SEC14L1: variants seen among roughly 807,000 people sequenced by gnomAD.
The protein encoded by SEC14L1 is SEC14 like lipid binding 1.
In SEC14L1, 48 loss-of-function variants were observed where a neutral mutation model predicts 85.3. The ratio of observed to expected loss-of-function variants is 0.56; its 90% CI spans 0.45 to 0.72. The LOEUF is 0.72. Ranked by LOEUF, SEC14L1 falls within the 30% of genes least tolerant of loss-of-function variation. SEC14L1 has a pLI of 0.00. For synonymous variants in SEC14L1, 391 were observed against 355.5 expected (o/e 1.10, Z -1.12); for missense variants, 682 against 921.4 (o/e 0.74, Z 3.36).
chr17:77,143,539 A>G (rs1973149647), intron 2 of SEC14L1, 28 bp from the exon 3 acceptor site: 5 of 1,393,310 alleles, frequency 3.6e-6, no homozygotes, highest in Non-Finnish European at 4.1e-6. Context: ...CATTGTGGTT[A>G]CTTATCACAT....
In SEC14L1 at chr17:77,190,912, G is replaced by T. The variant is rs781370833; in HGVS notation, c.173G>T (p.Arg58Leu). ...EDGAIHVIER[R>L]CKLDVDAPRL... ...GGGGCTATTCATGTCATTGAAAGGC[G>T]CTGCAAGCTGGATGTAGATGCACCC... is the stretch of plus-strand genomic sequence containing the variant. The change falls in exon 4 of 17, where the codon CGC becomes CTC. Residue 58 changes from arginine (R) to leucine (L), a missense_variant. Arg to Leu is a moderately radical substitution (Grantham distance 102). Transcript: ENST00000436233. 6.2e-7 allele frequency: 1 copy of T among 1,614,204 alleles called. No homozygotes were observed. Among genetic ancestry groups the T allele is most frequent in the South Asian group, 1.1e-5 (1 of 91,086 alleles).
chr17:77,189,153 A>G (rs1033064338), intron 3 of SEC14L1, among the ~76,000 whole-genome samples: 1 of 152,198 alleles, frequency 6.6e-6, no homozygotes, highest in Non-Finnish European at 1.5e-5. Flanking sequence ...TCATTCTATA[A>G]AACAGAATTC....
At chr17:77,193,600 A>G (rs1455584533) in intron 6 of SEC14L1, 51 bp downstream of exon 6, 1 of 1,562,742 alleles carries the variant, frequency 6.4e-7, no homozygotes. Flanking sequence ...AGTCTCTGAG[A>G]TGACCATCTT....
At chr17:77,111,476 G>A (rs1972045644) in intron 3 of SEC14L1, among the ~76,000 whole-genome samples, 1 of 151,640 alleles carries the variant, frequency 6.6e-6, no homozygotes, top group Non-Finnish European at 1.5e-5. Context: ...GACACTCAAG[G>A]CCAGCCAGTG....
chr17:77,211,383 A>T (rs368025482), intron 14 of SEC14L1: 2 of 153,526 alleles, frequency 1.3e-5, no homozygotes, highest in African/African-American at 4.8e-5. Flanking sequence ...TTGGTTTTCA[A>T]TTGGTTCTCA....
At chr17:77,090,900 C>T (rs1346577193) in intron 2 of SEC14L1, among the ~76,000 whole-genome samples, 2 of 143,904 alleles carry the variant, frequency 1.4e-5, no homozygotes, top group African/African-American at 2.5e-5. Flanking sequence ...AGGTGGGGGG[C>T]TTAAAGCTGC....
Position 77,212,083 on chromosome 17 carries a change from A to G in SEC14L1, c.1745A>G (p.His582Arg), listed in dbSNP as rs1976782659. The change falls in exon 15 of 17, where the codon CAC becomes CGC. Residue 582 changes from histidine to arginine, a missense_variant. Transcript: ENST00000436233. ...QPPKKDSLGA[H>R]SITSPGGNNV... ...CCCAAAAAGGACTCCCTGGGAGCCCACAGCATCACCTCTCCGGGTGGGAAC... is the reference window on the plus strand; with the variant it reads ...CCCAAAAAGGACTCCCTGGGAGCCCGCAGCATCACCTCTCCGGGTGGGAAC... 1 of 1,614,074 alleles carries G rather than the reference A, an allele frequency of 6.2e-7. No individual in the cohort carries two copies. Among genetic ancestry groups the G allele is most frequent in the Non-Finnish European group, 8.5e-7 (1 of 1,180,050 alleles).
Position 77,213,707 on chromosome 17 carries a change from T to A in SEC14L1, c.2043-211T>A, listed in dbSNP as rs772099086. 1 of 858,950 alleles carries A rather than the reference T, an allele frequency of 1.2e-6. No homozygotes were observed. The highest frequency in any genetic ancestry group is 1.9e-6 in the Non-Finnish European group (1 of 528,128). The allele number at this position is 858,950 out of a possible 1,614,324, so 53.2% of individuals were successfully genotyped here. On this transcript the variant is annotated intron_variant, in intron 16 of 16. Coordinates refer to ENST00000436233, the MANE Select transcript of SEC14L1 (RefSeq NM_001143998.2). This position sits in a 1 kb window ranked among gnomAD's most constrained non-coding sequence, Gnocchi z 7.1. Reference sequence around the variant, plus strand: ...TCGGAGACAGAGCCGACTGACTGCCTTTGCTTTAGCTCACACTGCCGTCTG... The same window carrying A: ...TCGGAGACAGAGCCGACTGACTGCCATTGCTTTAGCTCACACTGCCGTCTG...
chr17:77,216,863 T>C lies in SEC14L1; in HGVS notation c.*2840T>C, dbSNP rs1467061754. 5.4e-6 allele frequency: 2 copies of C among 367,776 alleles called. No homozygotes were observed. The highest frequency in any genetic ancestry group is 9.9e-6 in the Non-Finnish European group (2 of 201,270). 22.8% of individuals were successfully genotyped at this position (367,776 alleles called of 1,614,324 possible). On this transcript the variant is annotated 3_prime_UTR_variant, in exon 17 of 17. Coordinates refer to ENST00000436233, the MANE Select transcript of SEC14L1 (RefSeq NM_001143998.2). ...ATGCAGTTTGCATCGTGTTTCTACC[T>C]TTAGTACCTTGCCACTCTTTTAAAA...
At chr17:77,153,149 C>T (rs1193009580) in intron 3 of SEC14L1, among the ~76,000 whole-genome samples, 1 of 152,170 alleles carries the variant, frequency 6.6e-6, no homozygotes, top group Non-Finnish European at 1.5e-5. Flanking sequence ...CTCACTGCAA[C>T]CTCCGCCTCC....
intron 3 of SEC14L1, among the ~76,000 whole-genome samples, chr17:77,189,513 A>G (rs1352989628): frequency 2.0e-5 from 3 of 152,256 alleles, no homozygotes; most frequent in Admixed American, 2.0e-4. Flanking sequence ...CACTGTATTT[A>G]TGTTGAGTTT....
chr17:77,116,168 C>T (rs1174202744), intron 3 of SEC14L1, among the ~76,000 whole-genome samples: 3 of 152,160 alleles, frequency 2.0e-5, no homozygotes, highest in African/African-American at 7.2e-5. Flanking sequence ...ATTCCTCCTG[C>T]CTCAGTCCCC....
intron 3 of SEC14L1, among the ~76,000 whole-genome samples, chr17:77,155,571 G>T (rs921163615): frequency 6.6e-6 from 1 of 152,048 alleles, no homozygotes; most frequent in Non-Finnish European, 1.5e-5. Context: ...TGGTGGCTTA[G>T]CCCCAGACCA....
At chr17:77,169,228 C>T (rs945498981) in intron 3 of SEC14L1, among the ~76,000 whole-genome samples, 1 of 151,952 alleles carries the variant, frequency 6.6e-6, no homozygotes, top group Non-Finnish European at 1.5e-5. Flanking sequence ...TTGACTACAC[C>T]CTGTTAGGTC....
chr17:77,091,972 C>T (rs58337745), intron 2 of SEC14L1, among the ~76,000 whole-genome samples: 3,379 of 152,224 alleles, frequency 0.022, 149 homozygotes, highest in African/African-American at 0.078. Context: ...CCATCACACC[C>T]GGCTAATTTT....
In SEC14L1 at chr17:77,215,870, G is replaced by C. The variant is rs1444935994; in HGVS notation, c.*1847G>C. 1.0e-6 allele frequency: 1 copy of C among 974,308 alleles called. No homozygotes were observed. Among genetic ancestry groups the C allele is most frequent in the East Asian group, 1.1e-4 (1 of 9,140 alleles). The allele number at this position is 974,308 out of a possible 1,614,324, so 60.4% of individuals were successfully genotyped here. On this transcript the variant is annotated 3_prime_UTR_variant, in exon 17 of 17. Transcript: ENST00000436233. The stretch of plus-strand genomic sequence containing the variant: ...GTAGGGTTAGTAGGTAGGGTTCGTA[G>C]GTAGGGTTCGTAGGTAGGGTTCGTA...
rs138348310 is a variant in SEC14L1, at chr17:77,214,429, C to T, written c.*406C>T. On this transcript the variant is annotated 3_prime_UTR_variant, in exon 17 of 17. Coordinates refer to ENST00000436233, the MANE Select transcript of SEC14L1 (RefSeq NM_001143998.2). ...AGAGATGGCCCCTCCTCACCTGGGA[C>T]GGAAGCTGCCAGCTCGCTTCCCCCA... 1.8e-5 allele frequency: 18 copies of T among 1,000,746 alleles called. No individual in the cohort carries two copies. The highest frequency in any genetic ancestry group is 5.2e-5 in the African/African-American group (3 of 57,628). The allele number at this position is 1,000,746 out of a possible 1,614,324, so 62.0% of individuals were successfully genotyped here.
intron 3 of SEC14L1, among the ~76,000 whole-genome samples, chr17:77,155,062 A>C (rs1037232428): frequency 6.6e-6 from 1 of 152,190 alleles, no homozygotes; most frequent in Admixed American, 6.5e-5. Flanking sequence ...TATTTTAGGC[A>C]TAGCTATCTG....
At chr17:77,190,677 A>T (rs1222535364) in intron 3 of SEC14L1, 126 bp from the exon 4 acceptor site, 7 of 882,964 alleles carry the variant, frequency 7.9e-6, no homozygotes, top group Non-Finnish European at 1.2e-5. Flanking sequence ...TTCAGATGTG[A>T]AGACAGTTGT....
Sources: gnomAD v4.1 joint callset for allele counts (sites outside exome capture counted in the v4.1 genomes callset) on GRCh38, gnomAD v4.1.1 for gene constraint, Gnocchi (gnomAD v3.1) non-coding constraint, MANE v1.5 for transcripts, NCBI Gene and HGNC (gene_info 2026-07-23, HGNC 2026-07-21) for gene names.